The following TRERF1 variants were observed in gnomAD, a reference collection of about 807,000 sequenced individuals.
TRERF1 encodes transcriptional regulating factor 1.
TRERF1 carries 27 observed loss-of-function variants against 122.9 expected under a neutral mutation model. That is an observed-to-expected ratio of 0.22 (90% CI 0.16 to 0.30). TRERF1 has a LOEUF of 0.30. TRERF1 is among the 10% of genes least tolerant of loss of function. The pLI is 1.00. For synonymous variants in TRERF1, 636 were observed against 641.7 expected, an observed-to-expected ratio of 0.99 and a Z score of 0.13; for missense variants, 1,248 against 1,560.3, an observed-to-expected ratio of 0.80 and a Z score of 3.37.
At chr6:42,417,530 G>C (rs185238342) in intron 2 of TRERF1, among the ~76,000 whole-genome samples, 47 of 152,320 alleles carry the variant, frequency 3.1e-4, no homozygotes, top group East Asian at 5.8e-4. Context: ...AGCCCAGTAT[G>C]ATGAGGCACT....
intron 2 of TRERF1, among the ~76,000 whole-genome samples, chr6:42,405,546 G>A (rs1025765958): frequency 6.6e-6 from 1 of 152,136 alleles, no homozygotes; most frequent in African/African-American, 2.4e-5. Context: ...TGTAATCCCA[G>A]CATTTTGGGA....
chr6:42,411,285 T>A (rs1248457806), intron 2 of TRERF1, among the ~76,000 whole-genome samples: 1 of 152,182 alleles, frequency 6.6e-6, no homozygotes, highest in Non-Finnish European at 1.5e-5. Flanking sequence ...TGCTCCTGTC[T>A]CATACATAAA....
chr6:42,419,185 C>T (rs901834038), intron 2 of TRERF1, among the ~76,000 whole-genome samples: 2 of 152,198 alleles, frequency 1.3e-5, no homozygotes, highest in African/African-American at 4.8e-5. Context: ...CCAGAGACTT[C>T]TTTCCTGTCT....
intron 3 of TRERF1, among the ~76,000 whole-genome samples, chr6:42,360,130 A>T (rs575527714): frequency 6.6e-6 from 1 of 152,390 alleles, no homozygotes; most frequent in Non-Finnish European, 1.5e-5. Context: ...AATATATGAC[A>T]CTAATAAAGG....
chr6:42,410,291 T>C (rs1302729551), intron 2 of TRERF1, among the ~76,000 whole-genome samples: 1 of 151,986 alleles, frequency 6.6e-6, no homozygotes, highest in African/African-American at 2.4e-5. Context: ...ATCACAGGTA[T>C]GCACCACTGT....
In TRERF1 at chr6:42,348,622, C is replaced by T. The variant is rs1768798695; in HGVS notation, c.-371+14375G>A. Among the ~76,000 whole-genome samples the T allele has an allele frequency of 2.0e-5, 3 of 152,114 alleles. No homozygotes were observed. The South Asian group carries it at 6.2e-4, about 32-fold the overall frequency. ...TCATCCTTCTGTTAGAAGAACACTC[C>T]ATAACTCAGAGAAAGAGAAACTGAA... On this transcript the variant is annotated intron_variant, in intron 3 of 17. Coordinates refer to ENST00000372922, the Ensembl canonical transcript of TRERF1.
At chr6:42,390,966 T>C (rs1290531958) in intron 2 of TRERF1, among the ~76,000 whole-genome samples, 1 of 152,198 alleles carries the variant, frequency 6.6e-6, no homozygotes, top group Admixed American at 6.5e-5. Flanking sequence ...GAAAAGGAAC[T>C]GAAAGACTGA....
At chr6:42,229,573 G>A (rs1770107435) in intron 17 of TRERF1, among the ~76,000 whole-genome samples, 1 of 152,142 alleles carries the variant, frequency 6.6e-6, no homozygotes, top group South Asian at 2.1e-4. Context: ...TGGTAACTCT[G>A]TGTGGCCAAA....
intron 12 of TRERF1, among the ~76,000 whole-genome samples, chr6:42,256,130 TAA>T (rs11376682): frequency 1.8e-4 from 20 of 112,612 alleles, no homozygotes; most frequent in Admixed American, 1.0e-3. Flanking sequence ...GACTCCATCT[TAA>T]AAAAAAAAAA....
At chr6:42,448,893 T>G (rs1787994851) in intron 2 of TRERF1, among the ~76,000 whole-genome samples, 1 of 152,198 alleles carries the variant, frequency 6.6e-6, no homozygotes, top group Non-Finnish European at 1.5e-5. Context: ...AAAATAACGC[T>G]TTCGGTTATT....
chr6:42,388,356 C>A (rs1177470687), intron 2 of TRERF1, among the ~76,000 whole-genome samples: 1 of 151,928 alleles, frequency 6.6e-6, no homozygotes, highest in Non-Finnish European at 1.5e-5. Context: ...TGGTGCCCAA[C>A]CTTCAAAACC....
intron 4 of TRERF1, among the ~76,000 whole-genome samples, chr6:42,278,691 T>A (rs1781732268): frequency 6.6e-6 from 1 of 152,152 alleles, no homozygotes. Flanking sequence ...CTGAAAGGTC[T>A]GCAGAAAGAA....
chr6:42,299,200 T>TTCTA (rs70987591), intron 4 of TRERF1, among the ~76,000 whole-genome samples: 64,561 of 146,494 alleles, frequency 0.44, 14,166 homozygotes, highest in African/African-American at 0.46. Flanking sequence ...GTCTGTTTTT[T>TTCTA]TCTATCTATC....
At chr6:42,416,682 T>C (rs1582101518) in intron 2 of TRERF1, among the ~76,000 whole-genome samples, 1 of 152,194 alleles carries the variant, frequency 6.6e-6, no homozygotes, top group East Asian at 1.9e-4. Flanking sequence ...TTTGTTACAC[T>C]AGCTTCATAA....
In TRERF1 at chr6:42,268,520, C is replaced by G. The variant is rs374587532; in HGVS notation, c.1071G>C (p.Gln357His). Residue 357 changes from glutamine to histidine, a missense_variant, in exon 5 of 18, where the codon CAG becomes CAC. Physicochemically the swap from Gln to His is conservative, Grantham distance 24 (BLOSUM62 0). Coordinates refer to ENST00000372922, the Ensembl canonical transcript of TRERF1. The surrounding 1 kb of genome is among the most constrained non-coding windows in gnomAD (Gnocchi z 4.4). ...CAGTGTGTGCCTGCTCTGGGGTATACTGGTGAGGGTCCCTGTGATAAGAAG... is the reference window on the plus strand; with the variant it reads ...CAGTGTGTGCCTGCTCTGGGGTATAGTGGTGAGGGTCCCTGTGATAAGAAG... The G allele has an allele frequency of 1.9e-6, 3 of 1,613,798 alleles. No individual in the cohort carries two copies. The highest frequency in any genetic ancestry group is 2.5e-6 in the Non-Finnish European group (3 of 1,179,942).
chr6:42,361,361 G>A (rs1440716736), intron 3 of TRERF1, among the ~76,000 whole-genome samples: 1 of 152,154 alleles, frequency 6.6e-6, no homozygotes, highest in Non-Finnish European at 1.5e-5. Context: ...AACAGACTAC[G>A]ATGTGTGTGA....
intron 3 of TRERF1, among the ~76,000 whole-genome samples, chr6:42,332,099 C>T (rs1288330697): frequency 2.0e-5 from 3 of 152,242 alleles, no homozygotes. Context: ...TGTGCCACCA[C>T]ACCTGGGTAC....
chr6:42,385,757 A>G (rs1776697578), intron 2 of TRERF1, among the ~76,000 whole-genome samples: 1 of 152,234 alleles, frequency 6.6e-6, no homozygotes, highest in African/African-American at 2.4e-5. Context: ...TTATATTTTA[A>G]GCTGTAAATC....
Position 42,335,761 on chromosome 6 carries a change from G to C in TRERF1, c.-371+27236C>G, listed in dbSNP as rs529797996. On this transcript the variant is annotated intron_variant, in intron 3 of 17. Transcript: ENST00000372922. ...TAGCTCAATCATCCCTTCCTCAGGG[G>C]CACATTCTCTGACTCCCCAAAACAA... Among the ~76,000 whole-genome samples the C allele has an allele frequency of 9.2e-5, 14 of 152,316 alleles. No homozygotes were observed. In the South Asian group the frequency reaches 2.9e-3, roughly 32 times the overall value.
Sources: allele counts gnomAD v4.1 joint callset (sites outside exome capture counted in the v4.1 genomes callset), GRCh38; gene constraint gnomAD v4.1.1; non-coding constraint Gnocchi (gnomAD v3.1); transcripts MANE v1.5; gene names NCBI Gene and HGNC (gene_info 2026-07-23, HGNC 2026-07-21).